Variants in THADA observed in about 807,000 individuals in gnomAD.
THADA encodes THADA armadillo repeat containing.
In THADA, 213 loss-of-function variants were observed where a neutral mutation model predicts 219.8. The ratio of observed to expected loss-of-function variants is 0.97; its 90% CI spans 0.87 to 1.09. The LOEUF (loss-of-function observed/expected upper bound fraction) is 1.09. Ranked by LOEUF, THADA falls within the 50% of genes least tolerant of loss-of-function variation. THADA has a pLI of 0.00. For missense variants in THADA, 2,956 were observed against 2,311.3 expected, an observed-to-expected ratio of 1.28 and a Z score of -5.72; for synonymous variants, 1,018 against 828.9, an observed-to-expected ratio of 1.23 and a Z score of -3.92.
intron 26 of THADA, among the ~76,000 whole-genome samples, chr2:43,475,951 C>T (rs1685481256): frequency 6.6e-6 from 1 of 152,234 alleles, no homozygotes. Flanking sequence ...AATGTAGTAG[C>T]ACACATGATT....
At chr2:43,359,240 G>A (rs377176183) in intron 29 of THADA, among the ~76,000 whole-genome samples, 8 of 152,230 alleles carry the variant, frequency 5.3e-5, no homozygotes, top group African/African-American at 1.9e-4. Flanking sequence ...GAGAAAGGAT[G>A]CAGTAAGGCC....
At chr2:43,364,520 T>G (rs897496768) in intron 29 of THADA, among the ~76,000 whole-genome samples, 2 of 152,196 alleles carry the variant, frequency 1.3e-5, no homozygotes, top group African/African-American at 4.8e-5. Context: ...AATGGTATCT[T>G]CAGACATTGC....
intron 28 of THADA, among the ~76,000 whole-genome samples, chr2:43,418,752 G>C (rs920878914): frequency 1.3e-5 from 2 of 151,910 alleles, no homozygotes; most frequent in African/African-American, 4.8e-5. Context: ...ACCAATGTTT[G>C]AGAGGCAGCG....
At position 43,302,149 on chromosome 2, in the gene THADA, C is replaced by T. The variant is rs532253262; in HGVS notation, c.4439-8936G>A. Among the ~76,000 whole-genome samples the T allele has an allele frequency of 1.4e-3, 206 of 152,212 alleles. 1 individual carries two copies. The highest frequency in any genetic ancestry group is 3.4e-3 in the Middle Eastern group (1 of 294). On this transcript the variant is annotated intron_variant, in intron 31 of 37. Transcript: ENST00000405975. ...TCCTGAGTACCTGGGACTATAGGTG[C>T]ATGCCACCACACCCATCTGAAACCT... is the stretch of plus-strand genomic sequence containing the variant.
chr2:43,458,882 C>T (rs1391865479), intron 26 of THADA, among the ~76,000 whole-genome samples: 1 of 151,966 alleles, frequency 6.6e-6, no homozygotes, highest in Non-Finnish European at 1.5e-5. Context: ...ATGTAATATG[C>T]TTTTTAATGT....
At chr2:43,296,874 C>T (rs993387012) in intron 31 of THADA, among the ~76,000 whole-genome samples, 10 of 150,558 alleles carry the variant, frequency 6.6e-5, no homozygotes, top group African/African-American at 2.0e-4. Context: ...GAGGAGCGGA[C>T]GGGCCCCGCG....
intron 29 of THADA, among the ~76,000 whole-genome samples, chr2:43,365,321 T>A (rs933549689): frequency 2.6e-5 from 4 of 151,954 alleles, no homozygotes; most frequent in Non-Finnish European, 5.9e-5. Context: ...CTATAATCCC[T>A]GCACTTTGGA....
At position 43,572,922 on chromosome 2, in the gene THADA, A is replaced by G; in HGVS notation, c.1800T>C (p.Cys600=). ...SRGALGALMA[C]LRIARAHGHL... is the part of the protein sequence containing the mutation. Reference sequence around the variant, plus strand: ...GTCCATGAGCTCTAGCTATTCGCAGACATGCCATCAAAGCTCCCAGAGCCC... The same window carrying G: ...GTCCATGAGCTCTAGCTATTCGCAGGCATGCCATCAAAGCTCCCAGAGCCC... The change falls in exon 12 of 38, where the codon TGT becomes TGC. Residue 600 remains cysteine, a synonymous_variant. Coordinates refer to ENST00000405975, the MANE Select transcript of THADA (RefSeq NM_022065.5). The G allele has an allele frequency of 6.2e-7, 1 of 1,613,956 alleles. No homozygotes were observed. Among genetic ancestry groups the G allele is most frequent in the South Asian group, 1.1e-5 (1 of 91,082 alleles).
chr2:43,546,293 C>T lies in THADA; in HGVS notation c.3106+2917G>A, dbSNP rs1308208361. ...CTGAGGAGAGCTTTACTTCCCACTA[C>T]GTGGTCAATTTTGGAATAGGTGTGG... On this transcript the variant is annotated intron_variant, in intron 20 of 37. Coordinates refer to ENST00000405975, the MANE Select transcript of THADA (RefSeq NM_022065.5). Among the ~76,000 whole-genome samples, 206 of 152,042 alleles carry T rather than the reference C, an allele frequency of 1.4e-3. 1 individual carries two copies. Among genetic ancestry groups the T allele is most frequent in the African/African-American group, 4.4e-3 (183 of 41,424 alleles).
At chr2:43,456,319 A>C (rs1682994043) in intron 26 of THADA, among the ~76,000 whole-genome samples, 1 of 152,224 alleles carries the variant, frequency 6.6e-6, no homozygotes, top group Non-Finnish European at 1.5e-5. Flanking sequence ...ATGGCAATTA[A>C]AAAATAATAA....
intron 34 of THADA, among the ~76,000 whole-genome samples, chr2:43,288,604 G>A (rs1277212611): frequency 1.3e-5 from 2 of 152,168 alleles, no homozygotes; most frequent in Non-Finnish European, 2.9e-5. Flanking sequence ...TCTCCCTATG[G>A]AGCTTTGGGG....
intron 21 of THADA, 25 bp downstream of exon 21, chr2:43,541,134 A>C (rs1350006537): frequency 6.7e-7 from 1 of 1,496,500 alleles, no homozygotes; most frequent in Non-Finnish European, 8.9e-7. Context: ...GAAATTATAC[A>C]TGGTGGAATA....
At chr2:43,421,218 T>C (rs1298724527) in intron 28 of THADA, among the ~76,000 whole-genome samples, 1 of 152,200 alleles carries the variant, frequency 6.6e-6, no homozygotes, top group Non-Finnish European at 1.5e-5. Context: ...CCTGACCTGG[T>C]ATCAGACAGT....
chr2:43,566,952 C>G (rs772262807), intron 14 of THADA, 131 bp from the exon 15 acceptor site: 1 of 637,806 alleles, frequency 1.6e-6, no homozygotes, highest in Admixed American at 3.8e-5. Context: ...AAAAATGATA[C>G]TGGTTGTTCA....
At chr2:43,500,657 C>G (rs1020980558) in intron 24 of THADA, among the ~76,000 whole-genome samples, 11 of 152,082 alleles carry the variant, frequency 7.2e-5, no homozygotes, top group Middle Eastern at 3.2e-3. Context: ...GCAGATTGAT[C>G]AGAAACAACA....
intron 31 of THADA, among the ~76,000 whole-genome samples, chr2:43,314,616 T>G (rs1677868401): frequency 6.6e-6 from 1 of 152,208 alleles, no homozygotes; most frequent in Non-Finnish European, 1.5e-5. Flanking sequence ...TAAGATGGGT[T>G]TAATATAAGA....
intron 29 of THADA, among the ~76,000 whole-genome samples, chr2:43,396,973 C>T (rs1674135143): frequency 6.6e-6 from 1 of 151,536 alleles, no homozygotes; most frequent in Admixed American, 6.6e-5. Context: ...TGTGGTGTAC[C>T]CGGCACTATT....
At chr2:43,508,826 T>C in intron 22 of THADA, 46 bp from the exon 23 acceptor site, 5 of 1,592,644 alleles carry the variant, frequency 3.1e-6, no homozygotes, top group Non-Finnish European at 4.3e-6. Context: ...GTATCAAAGT[T>C]AAAAGTACAA....
chr2:43,345,570 C>G (rs1184256546), intron 29 of THADA, among the ~76,000 whole-genome samples: 1 of 152,168 alleles, frequency 6.6e-6, no homozygotes, highest in Non-Finnish European at 1.5e-5. Context: ...CCAAACCACC[C>G]GACGTGGAGT....
Sources: allele counts gnomAD v4.1 joint callset (sites outside exome capture counted in the v4.1 genomes callset), GRCh38; gene constraint gnomAD v4.1.1; transcripts MANE v1.5; gene names NCBI Gene and HGNC (gene_info 2026-07-23, HGNC 2026-07-21).